SHLD1: variants seen among roughly 807,000 people sequenced by gnomAD.
SHLD1 encodes the protein RINN1-REV7-interacting novel NHEJ regulator 3.
SHLD1 carries 3 observed loss-of-function variants against 5.5 expected under a neutral mutation model. The ratio of observed to expected loss-of-function variants is 0.54; its 90% CI spans 0.25 to 1.40. The LOEUF is 1.40. SHLD1 is among the 40% of genes most tolerant of loss of function. The probability of loss-of-function intolerance (pLI) is 0.15; values close to 1 mark genes in which losing one functional copy is unlikely to be tolerated. For missense variants in SHLD1, 210 were observed against 244.4 expected (o/e 0.86, Z 0.94); for synonymous variants, 92 against 94.3 (o/e 0.98, Z 0.14).
At position 5,852,127 on chromosome 20, in the gene SHLD1, C is replaced by G. The variant is rs185490966; in HGVS notation, c.179-10897C>G. Among the ~76,000 whole-genome samples, 3 of 152,262 alleles carry G rather than the reference C, an allele frequency of 2.0e-5. No individual in the cohort carries two copies. The East Asian group carries it at 5.8e-4, about 29-fold the overall frequency. On this transcript the variant is annotated intron_variant, in intron 2 of 2. Coordinates refer to ENST00000303142, the MANE Select transcript of SHLD1 (RefSeq NM_152504.4). ...AAGCCTAGCAGATGCCAGCGCCATG[C>G]TTGTACAGCCTGCAGAACTATGAGC...
chr20:5,755,282 C>T (rs371038864), intron 1 of SHLD1, among the ~76,000 whole-genome samples: 20 of 150,872 alleles, frequency 1.3e-4, no homozygotes, highest in Non-Finnish European at 2.1e-4. Context: ...GAGTGGCAGG[C>T]GAACTAGCAT....
At chr20:5,829,704 T>C (rs1238989921) in intron 2 of SHLD1, among the ~76,000 whole-genome samples, 1 of 152,260 alleles carries the variant, frequency 6.6e-6, no homozygotes, top group Non-Finnish European at 1.5e-5. Flanking sequence ...AATACTGTCA[T>C]GTTTTTCATT....
At chr20:5,852,442 TTCTC>T (rs35707278) in intron 2 of SHLD1, among the ~76,000 whole-genome samples, 32 of 147,304 alleles carry the variant, frequency 2.2e-4, no homozygotes, top group African/African-American at 7.6e-4. Context: ...CCTTCCTTCC[TTCTC>T]TCTCTCTCTC....
chr20:5,851,098 T>C (rs1424111886), intron 2 of SHLD1, among the ~76,000 whole-genome samples: 2 of 152,196 alleles, frequency 1.3e-5, no homozygotes, highest in Non-Finnish European at 2.9e-5. Flanking sequence ...CAAATCAACA[T>C]GGCTGCCATC....
intron 2 of SHLD1, among the ~76,000 whole-genome samples, chr20:5,844,863 C>G (rs1395160820): frequency 6.9e-6 from 1 of 145,100 alleles, no homozygotes; most frequent in African/African-American, 2.6e-5. Context: ...AGTGCGATCT[C>G]GGTTCACTGC....
At chr20:5,838,697 G>A (rs1361401392) in intron 2 of SHLD1, among the ~76,000 whole-genome samples, 5 of 152,360 alleles carry the variant, frequency 3.3e-5, no homozygotes, top group Admixed American at 6.5e-5. Flanking sequence ...TGAGGTGGAC[G>A]TTGCAGCGAG....
chr20:5,818,579 T>C (rs369984045), intron 2 of SHLD1, among the ~76,000 whole-genome samples: 1 of 152,042 alleles, frequency 6.6e-6, no homozygotes, highest in Admixed American at 6.6e-5. Flanking sequence ...ACTGGGTTGG[T>C]TGGTAGGTAG....
In SHLD1 at chr20:5,863,764, G is replaced by C. The variant is rs535029440; in HGVS notation, c.*301G>C. ...GGACATTCTCTGAGGAGTAATTTAT[G>C]CTCTAGCACTCCCTTTCCTCTAGAT... is the stretch of plus-strand genomic sequence containing the variant. On this transcript the variant is annotated 3_prime_UTR_variant, in exon 3 of 3. Coordinates refer to ENST00000303142, the MANE Select transcript of SHLD1 (RefSeq NM_152504.4). 2.5e-5 allele frequency: 8 copies of C among 322,634 alleles called. No individual in the cohort carries two copies. In the South Asian group the frequency reaches 6.1e-4, roughly 25 times the overall value. 20.0% of individuals were successfully genotyped at this position (322,634 alleles called of 1,614,324 possible). A position where few individuals can be genotyped will look rare whatever the true frequency, so the allele number is the denominator to read the frequency against.
chr20:5,810,127 C>T (rs374390619), intron 2 of SHLD1, among the ~76,000 whole-genome samples: 6 of 152,040 alleles, frequency 3.9e-5, no homozygotes, highest in Admixed American at 2.6e-4. Flanking sequence ...CGTGATGCTG[C>T]GCGCCTGTAA....
chr20:5,809,374 A>T (rs1285696550), intron 2 of SHLD1, among the ~76,000 whole-genome samples: 2 of 152,056 alleles, frequency 1.3e-5, no homozygotes, highest in Non-Finnish European at 2.9e-5. Flanking sequence ...CTCAGAGTTA[A>T]ATCCTCATTT....
chr20:5,771,358 C>A (rs551337767), intron 1 of SHLD1, among the ~76,000 whole-genome samples: 1 of 152,316 alleles, frequency 6.6e-6, no homozygotes, highest in South Asian at 2.1e-4. Flanking sequence ...TCTTCACTGG[C>A]AAATGCAACC....
chr20:5,844,507 T>A (rs1337018074), intron 2 of SHLD1, among the ~76,000 whole-genome samples: 2 of 152,132 alleles, frequency 1.3e-5, no homozygotes, highest in African/African-American at 2.4e-5. Flanking sequence ...TGTTTGACAC[T>A]CCCACACACT....
chr20:5,760,823 C>T (rs767313263), intron 1 of SHLD1, among the ~76,000 whole-genome samples: 8 of 151,950 alleles, frequency 5.3e-5, no homozygotes, highest in Admixed American at 2.0e-4. Flanking sequence ...GAGACAGTTA[C>T]GAAATAAGCA....
chr20:5,784,703 G>T (rs1294869974), intron 2 of SHLD1, among the ~76,000 whole-genome samples: 1 of 152,140 alleles, frequency 6.6e-6, no homozygotes, highest in Non-Finnish European at 1.5e-5. Context: ...GCCCGCCTCA[G>T]CCTCCCAAAG....
At chr20:5,804,509 A>T (rs1307487198) in intron 2 of SHLD1, among the ~76,000 whole-genome samples, 2 of 152,092 alleles carry the variant, frequency 1.3e-5, no homozygotes, top group African/African-American at 2.4e-5. Context: ...GTTTTGCCAC[A>T]TCCTGTGATC....
chr20:5,852,231 A>C (rs917955124), intron 2 of SHLD1, among the ~76,000 whole-genome samples: 1 of 152,122 alleles, frequency 6.6e-6, no homozygotes, highest in African/African-American at 2.4e-5. Flanking sequence ...CTAATACAAT[A>C]TTATTTTTTC....
intron 2 of SHLD1, among the ~76,000 whole-genome samples, chr20:5,784,864 T>C (rs1230724535): frequency 6.6e-6 from 1 of 152,198 alleles, no homozygotes; most frequent in African/African-American, 2.4e-5. Context: ...TATTTACTTC[T>C]GTGTACTTTG....
At chr20:5,763,175 G>A (rs934539375) in intron 1 of SHLD1, among the ~76,000 whole-genome samples, 3 of 150,684 alleles carry the variant, frequency 2.0e-5, no homozygotes, top group Admixed American at 1.3e-4. Context: ...GCGTAGTGGC[G>A]CATGCCTGTA....
At chr20:5,811,783 G>A (rs1014005398) in intron 2 of SHLD1, among the ~76,000 whole-genome samples, 3 of 151,954 alleles carry the variant, frequency 2.0e-5, no homozygotes, top group Non-Finnish European at 2.9e-5. Flanking sequence ...TTGAGCCCAG[G>A]AGGTCGAGGC....
Sources: allele counts gnomAD v4.1 joint callset (sites outside exome capture counted in the v4.1 genomes callset), GRCh38; gene constraint gnomAD v4.1.1; transcripts MANE v1.5; gene names NCBI Gene and HGNC (gene_info 2026-07-23, HGNC 2026-07-21).